Variants in FUBP3 observed in about 807,000 individuals in gnomAD.
The protein encoded by FUBP3 is far upstream element-binding protein 3.
FUBP3 carries 28 observed loss-of-function variants against 85.6 expected under a neutral mutation model. The ratio of observed to expected loss-of-function variants is 0.33; its 90% CI spans 0.24 to 0.45. FUBP3 has a LOEUF of 0.45. Ranked by LOEUF, FUBP3 falls within the 20% of genes least tolerant of loss-of-function variation. FUBP3 has a pLI of 1.00. For missense variants in FUBP3, 583 were observed against 755.1 expected (o/e 0.77, Z 2.67); for synonymous variants, 271 against 271.4 (o/e 1.00, Z 0.01).
At chr9:130,610,523 A>G (rs952909157) in intron 3 of FUBP3, among the ~76,000 whole-genome samples, 2 of 152,186 alleles carry the variant, frequency 1.3e-5, no homozygotes, top group Non-Finnish European at 2.9e-5. Context: ...GTGTCCCCTC[A>G]TAGCCTTCTG....
intron 2 of FUBP3, among the ~76,000 whole-genome samples, chr9:130,607,152 A>T (rs998754733): frequency 2.0e-5 from 3 of 147,676 alleles, no homozygotes; most frequent in East Asian, 2.0e-4. Flanking sequence ...TTTTTTTTTT[A>T]CTAGAGACAG....
chr9:130,630,195 C>T (rs561493403), intron 12 of FUBP3, among the ~76,000 whole-genome samples: 14 of 152,342 alleles, frequency 9.2e-5, no homozygotes, highest in African/African-American at 3.1e-4. Flanking sequence ...AGGCTGAAGG[C>T]CCCATTGTCA....
chr9:130,623,184 G>A (rs1394119880), intron 10 of FUBP3, among the ~76,000 whole-genome samples: 1 of 151,974 alleles, frequency 6.6e-6, no homozygotes, highest in Non-Finnish European at 1.5e-5. Flanking sequence ...CACACACAAA[G>A]ACAAAACATC....
chr9:130,607,505 T>G (rs1831520956), intron 2 of FUBP3, among the ~76,000 whole-genome samples: 1 of 152,112 alleles, frequency 6.6e-6, no homozygotes, highest in Non-Finnish European at 1.5e-5. Flanking sequence ...CAGGACTGAT[T>G]TTACCCAGCA....
At chr9:130,600,809 C>CA (rs776155791) in intron 2 of FUBP3, among the ~76,000 whole-genome samples, 1 of 151,808 alleles carries the variant, frequency 6.6e-6, no homozygotes, top group Non-Finnish European at 1.5e-5. Context: ...CCCATCTCTA[C>CA]AAAAAAATGA....
chr9:130,621,459 A>G (rs1398151123), intron 9 of FUBP3, among the ~76,000 whole-genome samples: 1 of 152,234 alleles, frequency 6.6e-6, no homozygotes, highest in Non-Finnish European at 1.5e-5. Flanking sequence ...CACCACTGTA[A>G]CCCAGCCTGG....
At chr9:130,626,157 C>T (rs998162495) in intron 11 of FUBP3, 109 of 557,200 alleles carry the variant, frequency 2.0e-4, no homozygotes, top group African/African-American at 8.1e-4. Context: ...CACGTGTGTT[C>T]GTCTGCACAG....
intron 1 of FUBP3, among the ~76,000 whole-genome samples, chr9:130,589,592 C>T (rs1445179859): frequency 6.7e-6 from 1 of 149,330 alleles, no homozygotes; most frequent in South Asian, 2.1e-4. Context: ...GATCCACCAG[C>T]CTTGGCCTCC....
chr9:130,605,962 A>G (rs1013861328), intron 2 of FUBP3, among the ~76,000 whole-genome samples: 18 of 152,248 alleles, frequency 1.2e-4, no homozygotes, highest in African/African-American at 3.4e-4. Flanking sequence ...CCAGCCTGGG[A>G]GACAGAGCGA....
intron 2 of FUBP3, among the ~76,000 whole-genome samples, chr9:130,599,072 C>T (rs1238803280): frequency 6.6e-6 from 1 of 152,190 alleles, no homozygotes. Flanking sequence ...GCAGGCAAAT[C>T]ACGAGGTCAG....
In FUBP3 at chr9:130,631,550, C is replaced by T; in HGVS notation, c.1279-7C>T. On this transcript the variant is annotated splice_region_variant and splice_polypyrimidine_tract_variant and intron_variant, in intron 13 of 18. Transcript: ENST00000319725. ...AGCGGGTGAGAGCTCCCTCTGTGCCCCCACAGGGGACCAATCTCGGAGCAC... is the reference window on the plus strand; with the variant it reads ...AGCGGGTGAGAGCTCCCTCTGTGCCTCCACAGGGGACCAATCTCGGAGCAC... The T allele has an allele frequency of 1.2e-6, 2 of 1,611,638 alleles. No individual in the cohort carries two copies. Among genetic ancestry groups the T allele is most frequent in the Non-Finnish European group, 1.7e-6 (2 of 1,177,744 alleles).
intron 5 of FUBP3, among the ~76,000 whole-genome samples, chr9:130,613,829 T>A (rs772590444): frequency 7.2e-5 from 11 of 152,250 alleles, no homozygotes; most frequent in Non-Finnish European, 1.2e-4. Context: ...TCCACATAGA[T>A]GTCACTGATC....
intron 11 of FUBP3, among the ~76,000 whole-genome samples, chr9:130,625,932 G>A (rs1334137436): frequency 2.0e-5 from 3 of 152,160 alleles, no homozygotes; most frequent in Admixed American, 2.0e-4. Context: ...CCTGGTTGGG[G>A]AGGGTCAGCA....
chr9:130,597,972 T>C (rs941770626), intron 2 of FUBP3, among the ~76,000 whole-genome samples: 1 of 152,116 alleles, frequency 6.6e-6, no homozygotes, highest in African/African-American at 2.4e-5. Context: ...AGATAAACCA[T>C]GGTCATTTTC....
intron 3 of FUBP3, among the ~76,000 whole-genome samples, chr9:130,611,834 G>A (rs965044854): frequency 1.3e-5 from 2 of 151,896 alleles, no homozygotes; most frequent in Non-Finnish European, 2.9e-5. Context: ...TAATGGATGG[G>A]ATAGCATTTA....
At chr9:130,623,578 T>C (rs368274658) in intron 10 of FUBP3, 33 bp from the exon 11 acceptor site, 420 of 1,418,304 alleles carry the variant, frequency 3.0e-4, no homozygotes, top group Admixed American at 4.6e-4. Flanking sequence ...CGTTGGGCTT[T>C]TTTCTAATCC....
intron 10 of FUBP3, 22 bp downstream of exon 10, chr9:130,622,832 T>G: frequency 8.5e-7 from 1 of 1,174,072 alleles, no homozygotes; most frequent in Non-Finnish European, 1.2e-6. Flanking sequence ...GATTTAAAAA[T>G]CCTTAGTGTT....
In FUBP3 at chr9:130,612,813, G is replaced by T; in HGVS notation, c.275-143G>T. ...GCTTTCTGCTGCCATCATGCCCAAA[G>T]AGTGGAGATGGGCTCACGGGGGCCA... On this transcript the variant is annotated intron_variant, in intron 4 of 18. Coordinates refer to ENST00000319725, the MANE Select transcript of FUBP3 (RefSeq NM_003934.2). This position sits in a 1 kb window ranked among gnomAD's most constrained non-coding sequence, Gnocchi z 4.1. 1.5e-6 allele frequency: 1 copy of T among 651,930 alleles called. No homozygotes were observed. The allele number at this position is 651,930 out of a possible 1,614,324, so 40.4% of individuals were successfully genotyped here.
At chr9:130,587,350 A>C (rs113758578) in intron 1 of FUBP3, among the ~76,000 whole-genome samples, 1 of 152,156 alleles carries the variant, frequency 6.6e-6, no homozygotes, top group Non-Finnish European at 1.5e-5. Flanking sequence ...GGTGTGAGCC[A>C]CCCAGCCCAG....
Sources: gnomAD v4.1 joint callset for allele counts (sites outside exome capture counted in the v4.1 genomes callset) on GRCh38, gnomAD v4.1.1 for gene constraint, Gnocchi (gnomAD v3.1) non-coding constraint, MANE v1.5 for transcripts, NCBI Gene and HGNC (gene_info 2026-07-23, HGNC 2026-07-21) for gene names.